Variants in TRIO observed in about 807,000 individuals in gnomAD.
The protein encoded by TRIO is trio Rho guanine nucleotide exchange factor.
TRIO carries 58 observed loss-of-function variants against 351.9 expected under a neutral mutation model. The ratio of observed to expected loss-of-function variants is 0.16; its 90% CI spans 0.13 to 0.21. TRIO has a LOEUF of 0.21. Ranked by LOEUF, TRIO falls within the 10% of genes least tolerant of loss-of-function variation. The pLI, the probability that TRIO is intolerant of heterozygous loss-of-function variation, is 1.00. For synonymous variants in TRIO, 1,758 were observed against 1,595.7 expected (o/e 1.10, Z -2.42); for missense variants, 3,201 against 4,027.8 (o/e 0.79, Z 5.56).
chr5:14,279,923 T>C (rs1226055612), intron 2 of TRIO, among the ~76,000 whole-genome samples: 1 of 152,204 alleles, frequency 6.6e-6, no homozygotes, highest in Admixed American at 6.5e-5. Context: ...AGAAAGAACT[T>C]TGAATGCAGG....
At chr5:14,464,168 G>A (rs1481660772) in intron 36 of TRIO, among the ~76,000 whole-genome samples, 3 of 152,182 alleles carry the variant, frequency 2.0e-5, no homozygotes, top group African/African-American at 7.2e-5. Context: ...ACATGGGGCT[G>A]TGTGATTTCT....
intron 9 of TRIO, among the ~76,000 whole-genome samples, chr5:14,329,200 G>C (rs1740679574): frequency 6.6e-6 from 1 of 152,228 alleles, no homozygotes; most frequent in South Asian, 2.1e-4. Flanking sequence ...GCCATGGCTG[G>C]TTGGCTTCCC....
At chr5:14,430,621 G>A (rs974909681) in intron 34 of TRIO, among the ~76,000 whole-genome samples, 1 of 152,142 alleles carries the variant, frequency 6.6e-6, no homozygotes, top group African/African-American at 2.4e-5. Context: ...TGGAGTCTCT[G>A]TATAATCTCC....
chr5:14,351,884 A>T lies in TRIO; in HGVS notation c.2047-6294A>T, dbSNP rs74679937. On this transcript the variant is annotated intron_variant, in intron 11 of 56. Coordinates refer to ENST00000344204, the MANE Select transcript of TRIO (RefSeq NM_007118.4). ...CTGATCCTACTTTCGACTTAACTGG[A>T]GGCTTGGTCCTTTCCGAGGGTCCAC... 9.0e-3 allele frequency among the ~76,000 whole-genome samples: 1,378 copies of T among 152,284 alleles called. 32 individuals carry two copies. Among genetic ancestry groups the T allele is most frequent in the African/African-American group, 0.032 (1,325 of 41,548 alleles).
chr5:14,439,762 C>T (rs984221867), intron 34 of TRIO, among the ~76,000 whole-genome samples: 2 of 152,328 alleles, frequency 1.3e-5, no homozygotes. Context: ...AACAACCTTA[C>T]GCTTTGCTTT....
intron 34 of TRIO, among the ~76,000 whole-genome samples, chr5:14,437,243 T>C (rs752595658): frequency 2.5e-4 from 38 of 152,236 alleles, no homozygotes; most frequent in Non-Finnish European, 3.1e-4. Flanking sequence ...ATTCTCACTA[T>C]AGTAGTTTCA....
At chr5:14,218,032 G>A (rs1792334658) in intron 1 of TRIO, among the ~76,000 whole-genome samples, 1 of 152,192 alleles carries the variant, frequency 6.6e-6, no homozygotes, top group Non-Finnish European at 1.5e-5. Flanking sequence ...TCTTATTAAT[G>A]ATTTTTAGTA....
chr5:14,319,734 G>A (rs1414086342), intron 9 of TRIO, among the ~76,000 whole-genome samples: 4 of 152,230 alleles, frequency 2.6e-5, no homozygotes, highest in Non-Finnish European at 5.9e-5. Context: ...CCCCAGAGGA[G>A]TAAATGCTTG....
intron 32 of TRIO, 181 bp downstream of exon 32, chr5:14,406,171 C>T (rs1748698895): frequency 3.1e-6 from 3 of 952,580 alleles, no homozygotes; most frequent in Admixed American, 2.9e-5. Flanking sequence ...ATAAGAGCCT[C>T]TATTGGCTTA....
chr5:14,420,183 C>T, intron 34 of TRIO, 162 bp downstream of exon 34: 1 of 1,066,818 alleles, frequency 9.4e-7, no homozygotes, highest in Non-Finnish European at 1.3e-6. Flanking sequence ...TCCATCAGCA[C>T]CTGAAGAGGA....
Position 14,297,216 on chromosome 5 carries a change from A to G in TRIO, c.1321A>G (p.Ser441Gly). The G allele has an allele frequency of 6.2e-7, 1 of 1,614,182 alleles. No individual in the cohort carries two copies. Among genetic ancestry groups the G allele is most frequent in the Non-Finnish European group, 8.5e-7 (1 of 1,180,040 alleles). The change falls in exon 7 of 57, where the codon AGC (serine) becomes GGC (glycine). Residue 441 changes from serine to glycine, a missense_variant. Coordinates refer to ENST00000344204, the MANE Select transcript of TRIO (RefSeq NM_007118.4). ...KAFAAALDER[S>G]TLLDMSSIFH... is the part of the protein sequence containing the mutation. ...GTTTGCGGCAGCCCTGGATGAGCGG[A>G]GCACCTTGCTGGACATGTCCTCCAT...
At chr5:14,343,089 CAA>C (rs34378604) in intron 11 of TRIO, among the ~76,000 whole-genome samples, 82,079 of 135,412 alleles carry the variant, frequency 0.61, 27,006 homozygotes, top group Middle Eastern at 0.74. Flanking sequence ...CAGAAAGTTG[CAA>C]AAAAAAAAAA....
chr5:14,388,854 T>C (rs1470478237), intron 24 of TRIO, among the ~76,000 whole-genome samples, 175 bp downstream of exon 24: 1 of 152,178 alleles, frequency 6.6e-6, no homozygotes, highest in Non-Finnish European at 1.5e-5. Flanking sequence ...TCTGTAGAGT[T>C]CTAGGTTTGT....
intron 11 of TRIO, among the ~76,000 whole-genome samples, chr5:14,345,070 G>T (rs932226054): frequency 5.3e-5 from 8 of 152,112 alleles, no homozygotes; most frequent in African/African-American, 1.4e-4. Flanking sequence ...TTATCTGAAA[G>T]GAAAGTCCTT....
intron 1 of TRIO, among the ~76,000 whole-genome samples, chr5:14,256,172 A>G (rs1471601071): frequency 1.3e-5 from 2 of 152,246 alleles, no homozygotes; most frequent in African/African-American, 4.8e-5. Flanking sequence ...GCTGAAGGTG[A>G]AGGGGGAACT....
At chr5:14,441,786 T>C (rs1752071761) in intron 34 of TRIO, among the ~76,000 whole-genome samples, 1 of 152,214 alleles carries the variant, frequency 6.6e-6, no homozygotes, top group Non-Finnish European at 1.5e-5. Flanking sequence ...TCCTAACATA[T>C]TTAGACTCTG....
At chr5:14,449,240 G>C (rs138867405) in intron 34 of TRIO, among the ~76,000 whole-genome samples, 1 of 152,368 alleles carries the variant, frequency 6.6e-6, no homozygotes, top group Non-Finnish European at 1.5e-5. Flanking sequence ...GGGAGATGAG[G>C]CAGGCAGAAC....
At chr5:14,198,738 G>C (rs1036361737) in intron 1 of TRIO, among the ~76,000 whole-genome samples, 2 of 152,152 alleles carry the variant, frequency 1.3e-5, no homozygotes, top group Non-Finnish European at 2.9e-5. Context: ...CATAGTGACT[G>C]TAGGGGCTGA....
Position 14,487,647 on chromosome 5 carries a change from G to A in TRIO, c.7019G>A (p.Arg2340Gln). The change falls in exon 48 of 57, where the codon CGG (arginine) becomes CAG (glutamine). Residue 2340 changes from arginine (R) to glutamine (Q), a missense_variant. Coordinates refer to ENST00000344204, the MANE Select transcript of TRIO (RefSeq NM_007118.4). Reference protein sequence around the residue: ...APSTSRSRPSRIPQPVRHHPP... With the variant: ...APSTSRSRPSQIPQPVRHHPP... ...AGCACGAGCAGGAGCCGGCCCTCCC[G>A]GATCCCCCAGCCTGTCCGACACCAC... 7.9e-7 allele frequency: 1 copy of A among 1,269,940 alleles called. No individual in the cohort carries two copies. The highest frequency in any genetic ancestry group is 1.0e-6 in the Non-Finnish European group (1 of 997,272). The allele number at this position is 1,269,940 out of a possible 1,614,324, so 78.7% of individuals were successfully genotyped here.
Sources: gnomAD v4.1 joint callset for allele counts (sites outside exome capture counted in the v4.1 genomes callset) on GRCh38, gnomAD v4.1.1 for gene constraint, MANE v1.5 for transcripts, NCBI Gene and HGNC (gene_info 2026-07-23, HGNC 2026-07-21) for gene names.